CNTLN: variants seen among roughly 807,000 people sequenced by gnomAD.
CNTLN encodes the protein centlein.
CNTLN carries 212 observed loss-of-function variants against 180.0 expected under a neutral mutation model. That is an observed-to-expected ratio of 1.18 (90% CI 1.05 to 1.32). CNTLN has a LOEUF of 1.32. Ranked by LOEUF, CNTLN falls within the 40% of genes most tolerant of loss-of-function variation. The pLI is 0.00. For missense variants in CNTLN, 2,095 were observed against 1,610.9 expected (o/e 1.30, Z -5.14); for synonymous variants, 722 against 563.1 (o/e 1.28, Z -3.99).
At chr9:17,410,267 C>A (rs188367665) in intron 16 of CNTLN, among the ~76,000 whole-genome samples, 1,540 of 152,142 alleles carry the variant, frequency 0.01, 19 homozygotes, top group African/African-American at 0.035. Flanking sequence ...TGAGGTATAT[C>A]ATTGTGAGTT....
intron 23 of CNTLN, among the ~76,000 whole-genome samples, chr9:17,468,746 A>G (rs1831894427): frequency 6.6e-6 from 1 of 151,644 alleles, no homozygotes; most frequent in South Asian, 2.1e-4. Context: ...TCTCCATACA[A>G]AGTAGTTCAG....
intron 8 of CNTLN, among the ~76,000 whole-genome samples, chr9:17,318,838 T>TTCCATCCATCCA (rs60102156): frequency 5.1e-4 from 77 of 151,424 alleles, no homozygotes; most frequent in African/African-American, 1.2e-3. Flanking sequence ...CCATCCTTTA[T>TTCCATCCATCCA]TCCATCCATC....
At chr9:17,342,499 T>C in intron 12 of CNTLN, 55 bp downstream of exon 12, 1 of 1,493,558 alleles carries the variant, frequency 6.7e-7, no homozygotes, top group Non-Finnish European at 9.0e-7. Context: ...GAGAAATTTT[T>C]TCATGGCTTA....
Position 17,143,386 on chromosome 9 carries a change from C to T in CNTLN, c.449+10C>T. On this transcript the variant is annotated intron_variant, in intron 2 of 25. Transcript: ENST00000380647. ...GTTTGGTTGTGGAAAGGTGAGCTCTCAAATTATTTTTTCATGAGTATTTGG... is the reference window on the plus strand; with the variant it reads ...GTTTGGTTGTGGAAAGGTGAGCTCTTAAATTATTTTTTCATGAGTATTTGG... 6.2e-7 allele frequency: 1 copy of T among 1,605,722 alleles called. No individual in the cohort carries two copies. The highest frequency in any genetic ancestry group is 8.5e-7 in the Non-Finnish European group (1 of 1,173,408).
At chr9:17,295,997 A>AGAGAGAGTGT (rs1342910465) in intron 6 of CNTLN, among the ~76,000 whole-genome samples, 2 of 91,290 alleles carry the variant, frequency 2.2e-5, no homozygotes, top group African/African-American at 1.2e-4. Flanking sequence ...AGAGAGAGAG[A>AGAGAGAGTGT]GTGTGTGTGT....
intron 2 of CNTLN, among the ~76,000 whole-genome samples, chr9:17,174,682 C>T (rs1053820633): frequency 2.7e-5 from 4 of 147,250 alleles, no homozygotes; most frequent in Non-Finnish European, 4.5e-5. Flanking sequence ...GGCAACAGCA[C>T]GAGACTCCGT....
chr9:17,312,213 A>G (rs1022589637), intron 8 of CNTLN, among the ~76,000 whole-genome samples: 6 of 150,878 alleles, frequency 4.0e-5, no homozygotes, highest in African/African-American at 9.7e-5. Flanking sequence ...TGGATTTTCT[A>G]TTTGCTGAGT....
chr9:17,260,436 A>T (rs200117125), intron 5 of CNTLN, among the ~76,000 whole-genome samples: 4 of 151,306 alleles, frequency 2.6e-5, no homozygotes, highest in Admixed American at 1.3e-4. Flanking sequence ...GTGGTGCTGA[A>T]AAAAATGTAT....
At chr9:17,454,655 C>T (rs941580654) in intron 18 of CNTLN, among the ~76,000 whole-genome samples, 6 of 152,186 alleles carry the variant, frequency 3.9e-5, no homozygotes, top group African/African-American at 1.4e-4. Flanking sequence ...AATAATGCTG[C>T]ACGTTGAACA....
rs528904349 is a variant in CNTLN at position 17,499,224 on chromosome 9, G to A, written c.4120-3327G>A. On this transcript the variant is annotated intron_variant, in intron 25 of 25. Coordinates refer to ENST00000380647, the MANE Select transcript of CNTLN (RefSeq NM_017738.4). ...CTACATGCTGAGAATTGATGTTCAT[G>A]TGGTACTATAAGATTTTGAAGAGCT... 3.2e-4 allele frequency among the ~76,000 whole-genome samples: 48 copies of A among 152,274 alleles called. 1 individual carries two copies. Among genetic ancestry groups the A allele is most frequent in the Admixed American group, 1.4e-3 (22 of 15,292 alleles).
chr9:17,512,397 C>T, the CNTLN span, among the ~76,000 whole-genome samples: 2 of 152,140 alleles, frequency 1.3e-5, no homozygotes, highest in Non-Finnish European at 2.9e-5. Flanking sequence ...AGGCCATTAT[C>T]CTAAATGAAT....
At chr9:17,191,667 C>G (rs1411283175) in intron 2 of CNTLN, among the ~76,000 whole-genome samples, 1 of 152,044 alleles carries the variant, frequency 6.6e-6, no homozygotes, top group African/African-American at 2.4e-5. Context: ...TGGAAAAATG[C>G]TTACAGCAGA....
chr9:17,502,034 A>G (rs2248126), intron 25 of CNTLN, among the ~76,000 whole-genome samples: 124,868 of 152,264 alleles, frequency 0.82, 55,301 homozygotes, highest in Non-Finnish European at 0.97. Context: ...GATATGCCAA[A>G]CAACTTTTCT....
At chr9:17,324,805 G>A (rs1321644513) in intron 8 of CNTLN, among the ~76,000 whole-genome samples, 1 of 152,016 alleles carries the variant, frequency 6.6e-6, no homozygotes, top group African/African-American at 2.4e-5. Flanking sequence ...TAAGTATTTA[G>A]ATACTAAAGG....
chr9:17,370,862 C>G (rs1460613909), intron 13 of CNTLN, among the ~76,000 whole-genome samples: 1 of 151,840 alleles, frequency 6.6e-6, no homozygotes, highest in African/African-American at 2.4e-5. Context: ...GTTGTTAATC[C>G]AGTTAAAATA....
chr9:17,207,658 C>T (rs528102347), intron 2 of CNTLN, among the ~76,000 whole-genome samples: 5 of 152,170 alleles, frequency 3.3e-5, no homozygotes, highest in South Asian at 2.1e-4. Context: ...GCTCACCCTC[C>T]GTGCTTTGTA....
intron 18 of CNTLN, among the ~76,000 whole-genome samples, chr9:17,442,767 C>T (rs1830182826): frequency 6.6e-6 from 1 of 152,012 alleles, no homozygotes; most frequent in Non-Finnish European, 1.5e-5. Context: ...TACCTTGAGA[C>T]AAATGAAAAT....
intron 5 of CNTLN, among the ~76,000 whole-genome samples, chr9:17,258,123 A>T (rs1346548154): frequency 6.7e-6 from 1 of 148,316 alleles, no homozygotes; most frequent in Non-Finnish European, 1.5e-5. Flanking sequence ...CTAACGTTTA[A>T]GTCTTTAATC....
intron 2 of CNTLN, among the ~76,000 whole-genome samples, chr9:17,161,656 A>G (rs994661624): frequency 3.9e-5 from 6 of 152,194 alleles, no homozygotes; most frequent in Admixed American, 1.3e-4. Flanking sequence ...TTTTTTCCAT[A>G]AAGAACTTTG....
Sources: gnomAD v4.1 joint callset for allele counts (sites outside exome capture counted in the v4.1 genomes callset) on GRCh38, gnomAD v4.1.1 for gene constraint, MANE v1.5 for transcripts, NCBI Gene and HGNC (gene_info 2026-07-23, HGNC 2026-07-21) for gene names.